FAM120B: variants seen among roughly 807,000 people sequenced by gnomAD.
FAM120B encodes family with sequence similarity 120 member B.
FAM120B carries 83 observed loss-of-function variants against 96.3 expected under a neutral mutation model. The observed-to-expected ratio is 0.86, with a 90% CI of 0.72 to 1.03. The LOEUF is 1.03. FAM120B is among the 50% of genes least tolerant of loss of function. The pLI is 0.00. For synonymous variants in FAM120B, 407 were observed against 402.7 expected (o/e 1.01, Z -0.13); for missense variants, 1,027 against 1,121.2 (o/e 0.92, Z 1.20).
chr6:170,327,965 C>T (rs1785716704), intron 3 of FAM120B, among the ~76,000 whole-genome samples: 1 of 152,228 alleles, frequency 6.6e-6, no homozygotes, highest in South Asian at 2.1e-4. Context: ...AATGGGAAGG[C>T]CAGGACATGA....
chr6:170,382,743 T>C (rs1789982805), intron 6 of FAM120B, among the ~76,000 whole-genome samples: 1 of 152,228 alleles, frequency 6.6e-6, no homozygotes, highest in African/African-American at 2.4e-5. Flanking sequence ...AGGTTTGATG[T>C]ACTTGCTAGC....
Position 170,318,115 on chromosome 6 carries a change from T to C in FAM120B, c.725T>C (p.Phe242Ser). 2 of 1,614,190 alleles carry C rather than the reference T, an allele frequency of 1.2e-6. No individual in the cohort carries two copies. Among genetic ancestry groups the C allele is most frequent in the Non-Finnish European group, 1.7e-6 (2 of 1,180,046 alleles). ...ATCCCAGAGGGCATGTTTGAAAGCT[T>C]TAGGTACAAATGCTTATCGTCCTAC... ...DIIPEGMFES[F>S]RYKCLSSYTS... Residue 242 changes from phenylalanine (F) to serine (S), a missense_variant, in exon 2 of 11, where the codon TTT becomes TCT. By Grantham distance (155) the Phe-to-Ser change is radical (BLOSUM62 -2). Transcript: ENST00000476287.
chr6:170,323,094 C>G lies in FAM120B; in HGVS notation c.1750C>G (p.His584Asp). ...TEILKVARTH[H>D]VQAESYLVYN... ...TTTCAAACAGGTTGCTAGAACACAT[C>G]ACGTCCAAGCAGAAAGCTACCTGGT... Residue 584 changes from histidine (H) to aspartate (D), a missense_variant, in exon 3 of 11, where the codon CAC becomes GAC. Physicochemically the swap from His to Asp is moderately conservative, Grantham distance 81. Coordinates refer to ENST00000476287, the MANE Select transcript of FAM120B (RefSeq NM_032448.3). The G allele has an allele frequency of 6.2e-7, 1 of 1,612,240 alleles. No homozygotes were observed. The highest frequency in any genetic ancestry group is 1.1e-5 in the South Asian group (1 of 90,718).
chr6:170,324,033 G>T lies in FAM120B; in HGVS notation c.1915+774G>T, dbSNP rs535430785. Reference sequence around the variant, plus strand: ...TGAGAATGTGTTGATAAGAAACATGGTCTACACACTATTACCAGGATAAGA... The same window carrying T: ...TGAGAATGTGTTGATAAGAAACATGTTCTACACACTATTACCAGGATAAGA... On this transcript the variant is annotated intron_variant, in intron 3 of 10. Transcript: ENST00000476287. Among the ~76,000 whole-genome samples, 4 of 152,252 alleles carry T rather than the reference G, an allele frequency of 2.6e-5. No homozygotes were observed. The South Asian group carries it at 8.3e-4, about 32-fold the overall frequency.
intron 1 of FAM120B, among the ~76,000 whole-genome samples, chr6:170,312,672 C>G (rs561992315): frequency 3.3e-5 from 5 of 152,258 alleles, no homozygotes; most frequent in African/African-American, 1.2e-4. Context: ...CCTAGAAATT[C>G]TAAAGTGCAT....
At chr6:170,362,516 C>T (rs1788521274) in intron 6 of FAM120B, among the ~76,000 whole-genome samples, 1 of 152,140 alleles carries the variant, frequency 6.6e-6, no homozygotes, top group Non-Finnish European at 1.5e-5. Flanking sequence ...CTGTAGAACA[C>T]GATGCCATGG....
intron 6 of FAM120B, among the ~76,000 whole-genome samples, chr6:170,361,196 G>GTATA (rs1491360045): frequency 5.7e-4 from 17 of 29,736 alleles, no homozygotes; most frequent in Non-Finnish European, 8.5e-4. Flanking sequence ...ATATATATAC[G>GTATA]TGTATATATA....
chr6:170,323,237 A>G lies in FAM120B; in HGVS notation c.1893A>G (p.Ser631=), dbSNP rs1361963136. ...IYRPIRQRVY[S]LLLEDCQDVT... ...GTCCCATTCGACAGCGGGTCTACTC[A>G]CTCTTACTGGAGGACTGTCAAGGTG... The change falls in exon 3 of 11, where the codon TCA becomes TCG. Residue 631 remains serine, a synonymous_variant. Transcript: ENST00000476287. 1 of 1,613,236 alleles carries G rather than the reference A, an allele frequency of 6.2e-7. No individual in the cohort carries two copies. Among genetic ancestry groups the G allele is most frequent in the Non-Finnish European group, 8.5e-7 (1 of 1,179,696 alleles).
chr6:170,401,081 G>A (rs924928790), intron 9 of FAM120B, among the ~76,000 whole-genome samples: 42 of 152,334 alleles, frequency 2.8e-4, no homozygotes, highest in Admixed American at 2.0e-3. Context: ...AATTAAAACA[G>A]CATAATGACT....
chr6:170,307,333 T>C (rs1784355217), intron 1 of FAM120B, among the ~76,000 whole-genome samples: 2 of 152,190 alleles, frequency 1.3e-5, no homozygotes, highest in African/African-American at 2.4e-5. Flanking sequence ...GCCCCAGCTC[T>C]TGGGGGAAAG....
At chr6:170,325,634 A>G (rs1414790628) in intron 3 of FAM120B, among the ~76,000 whole-genome samples, 1 of 151,932 alleles carries the variant, frequency 6.6e-6, no homozygotes, top group Admixed American at 6.6e-5. Flanking sequence ...TGAGGTCAGG[A>G]GTTTGAGACC....
At chr6:170,373,129 G>C (rs183525975) in intron 6 of FAM120B, among the ~76,000 whole-genome samples, 3 of 152,296 alleles carry the variant, frequency 2.0e-5, no homozygotes, top group African/African-American at 7.2e-5. Flanking sequence ...TCAGGTTTTA[G>C]GAACTTTAAG....
intron 5 of FAM120B, among the ~76,000 whole-genome samples, chr6:170,351,417 C>G (rs1042612593): frequency 1.1e-4 from 16 of 152,114 alleles, no homozygotes; most frequent in African/African-American, 3.9e-4. Flanking sequence ...GCAAGATAGG[C>G]CAACATTCCA....
At chr6:170,346,871 T>C (rs924546359) in intron 4 of FAM120B, among the ~76,000 whole-genome samples, 3 of 152,216 alleles carry the variant, frequency 2.0e-5, no homozygotes, top group East Asian at 1.9e-4. Flanking sequence ...TTACTGACAC[T>C]TGTGGTTGTC....
intron 1 of FAM120B, among the ~76,000 whole-genome samples, chr6:170,296,778 GC>G (rs1470879416): frequency 6.6e-6 from 1 of 152,090 alleles, no homozygotes. Context: ...TCCGGCCCAG[GC>G]CCCTCGGTAC....
At position 170,396,847 on chromosome 6, in the gene FAM120B, C is replaced by A. The variant is rs992397680; in HGVS notation, c.2692+1268C>A. 3.3e-5 allele frequency among the ~76,000 whole-genome samples: 5 copies of A among 152,284 alleles called. 1 individual carries two copies. In the Middle Eastern group the frequency reaches 0.014, roughly 414 times the overall value. ...TTGGAGTAAACCACAAACAGGGAACCCAAAAACAATGGGAGGGGTTTTGTA... is the reference window on the plus strand; with the variant it reads ...TTGGAGTAAACCACAAACAGGGAACACAAAAACAATGGGAGGGGTTTTGTA... On this transcript the variant is annotated intron_variant, in intron 9 of 10. Transcript: ENST00000476287.
At chr6:170,349,713 A>G (rs564239297) in intron 5 of FAM120B, among the ~76,000 whole-genome samples, 1 of 152,208 alleles carries the variant, frequency 6.6e-6, no homozygotes, top group African/African-American at 2.4e-5. Flanking sequence ...AAGAGAGGAG[A>G]TGAATCCAAG....
At chr6:170,352,002 A>T (rs941924068) in intron 5 of FAM120B, among the ~76,000 whole-genome samples, 2 of 152,242 alleles carry the variant, frequency 1.3e-5, no homozygotes, top group Admixed American at 6.5e-5. Context: ...GGCAAGCTGG[A>T]TAAAGAGCCA....
intron 1 of FAM120B, among the ~76,000 whole-genome samples, chr6:170,311,371 T>G (rs539095333): frequency 4.9e-4 from 75 of 152,170 alleles, no homozygotes; most frequent in Non-Finnish European, 1.0e-3. Flanking sequence ...AAGGTGAGTT[T>G]TTTTTCCCCA....
Sources: gnomAD v4.1 joint callset for allele counts (sites outside exome capture counted in the v4.1 genomes callset) on GRCh38, gnomAD v4.1.1 for gene constraint, MANE v1.5 for transcripts, NCBI Gene and HGNC (gene_info 2026-07-23, HGNC 2026-07-21) for gene names.